CLVS1: variants seen among roughly 807,000 people sequenced by gnomAD.
CLVS1 encodes the protein clavesin 1, also known as clavesin-1.
Under a neutral mutation model 33.1 loss-of-function variants are expected in CLVS1, and 10 were observed. That is an observed-to-expected ratio of 0.30 (90% CI 0.19 to 0.51). CLVS1 has a LOEUF of 0.51. Among genes scored for constraint, CLVS1 ranks in the 20% least tolerant of loss-of-function variants. CLVS1 has a pLI of 0.97. For synonymous variants in CLVS1, 163 were observed against 166.1 expected (o/e 0.98, Z 0.14); for missense variants, 343 against 433.4 (o/e 0.79, Z 1.85).
intron 1 of CLVS1, among the ~76,000 whole-genome samples, chr8:61,298,660 G>A (rs1405636292): frequency 2.6e-5 from 4 of 152,098 alleles, no homozygotes; most frequent in Non-Finnish European, 5.9e-5. Flanking sequence ...AAAAATAAAT[G>A]CCTCTAAGTT....
At chr8:61,185,631 T>C (rs1307948694) in intron 2 of CLVS1, among the ~76,000 whole-genome samples, 1 of 152,146 alleles carries the variant, frequency 6.6e-6, no homozygotes, top group Non-Finnish European at 1.5e-5. Context: ...TAATAAATTA[T>C]TAGGAATTCT....
intron 2 of CLVS1, among the ~76,000 whole-genome samples, chr8:61,171,907 CA>C (rs1807008863): frequency 6.6e-6 from 1 of 152,146 alleles, no homozygotes; most frequent in South Asian, 2.1e-4. Context: ...GCGTGGAAAT[CA>C]AGCAGGCTTG....
chr8:61,033,019 AAG>A, the CLVS1 span, among the ~76,000 whole-genome samples: 30 of 117,632 alleles, frequency 2.6e-4, no homozygotes, highest in African/African-American at 9.3e-4. Flanking sequence ...GAAAGAAAGA[AAG>A]AAAGAAAGAA....
chr8:61,135,663 T>C (rs747267114), intron 2 of CLVS1, among the ~76,000 whole-genome samples: 32 of 152,274 alleles, frequency 2.1e-4, no homozygotes, highest in Non-Finnish European at 4.6e-4. Flanking sequence ...AACCAATATA[T>C]TTGTTTTTAT....
chr8:61,141,110 C>T (rs1806300867), intron 2 of CLVS1, among the ~76,000 whole-genome samples: 1 of 152,154 alleles, frequency 6.6e-6, no homozygotes, highest in Non-Finnish European at 1.5e-5. Context: ...AATAATGGTT[C>T]ACTCACCTTG....
chr8:61,107,306 T>C (rs1805555138), intron 1 of CLVS1, among the ~76,000 whole-genome samples: 1 of 152,222 alleles, frequency 6.6e-6, no homozygotes. Flanking sequence ...TGGTTTGGAC[T>C]GCTGTAACAA....
chr8:61,000,748 G>T, the CLVS1 span, among the ~76,000 whole-genome samples: 2 of 152,160 alleles, frequency 1.3e-5, no homozygotes, highest in Non-Finnish European at 2.9e-5. Flanking sequence ...GGTCAGGTTT[G>T]GTCCAGGGTC....
chr8:61,266,249 T>C (rs1326999084), intron 2 of CLVS1, among the ~76,000 whole-genome samples: 1 of 152,062 alleles, frequency 6.6e-6, no homozygotes, highest in Non-Finnish European at 1.5e-5. Flanking sequence ...ACCTCCCTTG[T>C]TTACTTGTGA....
chr8:61,416,832 G>A (rs1246356441), intron 3 of CLVS1, among the ~76,000 whole-genome samples: 1 of 152,142 alleles, frequency 6.6e-6, no homozygotes, highest in Non-Finnish European at 1.5e-5. Flanking sequence ...CCAGATTATG[G>A]TTCTATACCT....
chr8:61,033,925 A>G, the CLVS1 span, among the ~76,000 whole-genome samples: 1 of 152,374 alleles, frequency 6.6e-6, no homozygotes, highest in South Asian at 2.1e-4. Flanking sequence ...CCATGGTCTT[A>G]GAGACTCCGG....
intron 2 of CLVS1, among the ~76,000 whole-genome samples, chr8:61,357,555 G>T (rs1239476132): frequency 9.1e-6 from 1 of 110,204 alleles, no homozygotes; most frequent in Non-Finnish European, 1.9e-5. Flanking sequence ...GCCCAAGCTG[G>T]AGAGCAATGG....
intron 2 of CLVS1, among the ~76,000 whole-genome samples, chr8:61,317,548 A>G (rs745622091): frequency 1.1e-4 from 16 of 152,200 alleles, no homozygotes; most frequent in Non-Finnish European, 1.8e-4. Flanking sequence ...GCAGTTTTCC[A>G]GAAATGTTGT....
chr8:61,495,950 T>C (rs1804252389), intron 5 of CLVS1, among the ~76,000 whole-genome samples: 1 of 152,146 alleles, frequency 6.6e-6, no homozygotes, highest in Non-Finnish European at 1.5e-5. Flanking sequence ...GTGGGAGGGC[T>C]AAAAGGTACT....
chr8:61,165,900 G>C (rs1806852725), intron 2 of CLVS1, among the ~76,000 whole-genome samples: 1 of 152,136 alleles, frequency 6.6e-6, no homozygotes, highest in South Asian at 2.1e-4. Flanking sequence ...TGTCTCTTCT[G>C]ATTTTCCATC....
intron 2 of CLVS1, among the ~76,000 whole-genome samples, chr8:61,139,845 GC>G (rs1354035413): frequency 6.6e-6 from 1 of 152,176 alleles, no homozygotes; most frequent in Non-Finnish European, 1.5e-5. Flanking sequence ...TCCCTCTTGT[GC>G]CGTCGCAGAT....
At chr8:61,277,766 C>A (rs923647484) in intron 2 of CLVS1, among the ~76,000 whole-genome samples, 5 of 152,108 alleles carry the variant, frequency 3.3e-5, no homozygotes, top group Non-Finnish European at 5.9e-5. Context: ...TTGGAATTAA[C>A]CCCTGACACG....
At chr8:61,193,313 G>T (rs1356507897) in intron 2 of CLVS1, among the ~76,000 whole-genome samples, 8 of 151,978 alleles carry the variant, frequency 5.3e-5, no homozygotes, top group African/African-American at 1.7e-4. Context: ...AGGTGGGAAT[G>T]GAACAATGAG....
chr8:61,432,820 G>A (rs185138630), intron 3 of CLVS1, among the ~76,000 whole-genome samples: 177 of 152,334 alleles, frequency 1.2e-3, no homozygotes, highest in African/African-American at 3.8e-3. Context: ...CCAGGTTGAG[G>A]ATGTAGGTTG....
At chr8:61,185,455 A>G (rs1807327750) in intron 2 of CLVS1, among the ~76,000 whole-genome samples, 1 of 152,038 alleles carries the variant, frequency 6.6e-6, no homozygotes, top group Non-Finnish European at 1.5e-5. Flanking sequence ...CTCTCAGTTA[A>G]GAATTCAGTT....
Sources: allele counts gnomAD v4.1 joint callset (sites outside exome capture counted in the v4.1 genomes callset), GRCh38; gene constraint gnomAD v4.1.1; transcripts MANE v1.5; gene names NCBI Gene and HGNC (gene_info 2026-07-23, HGNC 2026-07-21).